XRCC5: variants seen among roughly 807,000 people sequenced by gnomAD.
XRCC5 encodes DNA repair protein Ku80.
A neutral mutation model predicts 95.7 loss-of-function variants in XRCC5; 12 were observed. The ratio of observed to expected loss-of-function variants is 0.13; its 90% CI spans 0.08 to 0.20. The LOEUF (loss-of-function observed/expected upper bound fraction) is 0.20. Among genes scored for constraint, XRCC5 ranks in the 10% least tolerant of loss-of-function variants. The pLI, the probability that XRCC5 is intolerant of heterozygous loss-of-function variation, is 1.00. For synonymous variants in XRCC5, 281 were observed against 290.3 expected (o/e 0.97, Z 0.33); for missense variants, 595 against 873.9 (o/e 0.68, Z 4.02).
In XRCC5 at chr2:216,187,861, T is replaced by TCTC. The variant is rs143232624; in HGVS notation, c.1835-2363_1835-2362insTCC. ...CTCTCTCTCTCTCTCTCTCTCTCTC[T>TCTC]CCCCGTCTCCCTGTCTCTCCCTCTC... On this transcript the variant is annotated intron_variant, in intron 16 of 20. Coordinates refer to ENST00000392132, the MANE Select transcript of XRCC5 (RefSeq NM_021141.4). Among the ~76,000 whole-genome samples, 277 of 116,210 alleles carry TCTC rather than the reference T, an allele frequency of 2.4e-3. 15 individuals carry two copies. Among genetic ancestry groups the TCTC allele is most frequent in the African/African-American group, 0.011 (260 of 23,846 alleles). 76.2% of individuals were successfully genotyped at this position (116,210 alleles called of 152,430 possible).
intron 2 of XRCC5, 142 bp downstream of exon 2, chr2:216,113,271 C>T: frequency 3.2e-6 from 2 of 631,966 alleles, no homozygotes; most frequent in Non-Finnish European, 5.4e-6. Context: ...TACATGTACT[C>T]ACATACAACT....
At chr2:216,127,441 A>G in intron 7 of XRCC5, 95 bp from the exon 8 acceptor site, 1 of 1,387,340 alleles carries the variant, frequency 7.2e-7, no homozygotes, top group South Asian at 1.7e-5. Flanking sequence ...ATTGTTCTGG[A>G]TTTTTGTCTG....
intron 16 of XRCC5, among the ~76,000 whole-genome samples, chr2:216,173,053 A>G (rs1413378052): frequency 1.3e-5 from 2 of 152,156 alleles, no homozygotes; most frequent in African/African-American, 4.8e-5. Context: ...TTGCTGGTAT[A>G]TAGAAATGAA....
At chr2:216,133,688 G>C (rs1697027941) in intron 10 of XRCC5, among the ~76,000 whole-genome samples, 1 of 152,180 alleles carries the variant, frequency 6.6e-6, no homozygotes, top group African/African-American at 2.4e-5. Flanking sequence ...TATATCATAG[G>C]ATCACTTTGA....
intron 16 of XRCC5, among the ~76,000 whole-genome samples, chr2:216,174,401 T>A (rs571950407): frequency 2.0e-5 from 3 of 152,294 alleles, no homozygotes; most frequent in African/African-American, 4.8e-5. Context: ...TTAGCAAAAT[T>A]TATACAAAAT....
intron 16 of XRCC5, among the ~76,000 whole-genome samples, chr2:216,173,497 A>G (rs930326502): frequency 3.9e-5 from 6 of 152,212 alleles, no homozygotes; most frequent in African/African-American, 1.2e-4. Flanking sequence ...TTCTTCTGCT[A>G]ATATATTAAT....
intron 12 of XRCC5, among the ~76,000 whole-genome samples, chr2:216,140,121 ATGGTGT>A (rs1268665826): frequency 1.3e-5 from 2 of 152,216 alleles, no homozygotes; most frequent in Non-Finnish European, 2.9e-5. Flanking sequence ...CAAGTTCAAG[ATGGTGT>A]TGGCTGTGCC....
intron 19 of XRCC5, among the ~76,000 whole-genome samples, chr2:216,199,170 A>G (rs910731999): frequency 5.9e-5 from 9 of 152,258 alleles, no homozygotes; most frequent in African/African-American, 2.2e-4. Flanking sequence ...CTCACAGTCT[A>G]TTTAAATTCT....
intron 16 of XRCC5, chr2:216,175,577 T>C (rs1689256538): frequency 2.5e-6 from 1 of 392,872 alleles, no homozygotes; most frequent in Admixed American, 3.3e-5. Flanking sequence ...ACTTGTATGG[T>C]TTCAGTCTTG....
intron 9 of XRCC5, among the ~76,000 whole-genome samples, chr2:216,131,497 A>G (rs749566856): frequency 5.3e-5 from 8 of 152,140 alleles, no homozygotes; most frequent in East Asian, 1.9e-4. Flanking sequence ...GAACTCTTCA[A>G]TACTCATTTT....
intron 14 of XRCC5, among the ~76,000 whole-genome samples, chr2:216,159,180 C>CT (rs1688902184): frequency 6.6e-6 from 1 of 152,102 alleles, no homozygotes; most frequent in Non-Finnish European, 1.5e-5. Context: ...TACTAATTCT[C>CT]TTATCATTTA....
At chr2:216,119,594 A>G (rs1259880454) in intron 5 of XRCC5, among the ~76,000 whole-genome samples, 1 of 152,204 alleles carries the variant, frequency 6.6e-6, no homozygotes, top group African/African-American at 2.4e-5. Flanking sequence ...TAGGGTAGAC[A>G]GGAATGCCAA....
chr2:216,204,458 G>A (rs1689904271), intron 20 of XRCC5, 62 bp downstream of exon 20: 1 of 1,559,552 alleles, frequency 6.4e-7, no homozygotes, highest in Admixed American at 1.7e-5. Context: ...TGTAAATACA[G>A]CCACAAAGGC....
chr2:216,137,202 C>A lies in XRCC5; in HGVS notation c.1228C>A (p.Pro410Thr). The change falls in exon 11 of 21, where the codon CCT becomes ACT. Residue 410 changes from proline to threonine, a missense_variant. Transcript: ENST00000392132. ...RANPQVGVAF[P>T]HIKHNYECLV... The stretch of plus-strand genomic sequence containing the variant: ...TAATCCTCAAGTCGGCGTGGCTTTT[C>A]CTCATATCAAGCATAACTATGAGGT... The A allele has an allele frequency of 6.2e-7, 1 of 1,613,424 alleles. No homozygotes were observed. Among genetic ancestry groups the A allele is most frequent in the Non-Finnish European group, 8.5e-7 (1 of 1,179,588 alleles).
chr2:216,138,993 C>G (rs1293134286), intron 12 of XRCC5, among the ~76,000 whole-genome samples: 3 of 152,036 alleles, frequency 2.0e-5, no homozygotes, highest in African/African-American at 7.2e-5. Flanking sequence ...AGATGGGTCC[C>G]TAGGGCCTGT....
chr2:216,150,108 A>C (rs1223421363), intron 14 of XRCC5, among the ~76,000 whole-genome samples: 3 of 152,160 alleles, frequency 2.0e-5, no homozygotes. Flanking sequence ...TAGTTTTTCC[A>C]AGGAAAGAAA....
chr2:216,126,155 C>G (rs567677938), intron 7 of XRCC5, 124 bp downstream of exon 7: 1 of 741,998 alleles, frequency 1.3e-6, no homozygotes, highest in Non-Finnish European at 2.2e-6. Flanking sequence ...TAGTTGTTCT[C>G]CCTGCTCATT....
intron 13 of XRCC5, among the ~76,000 whole-genome samples, chr2:216,145,795 A>T (rs76044854): frequency 9.8e-4 from 149 of 152,318 alleles, no homozygotes; most frequent in African/African-American, 3.5e-3. Context: ...TACAGTAGGA[A>T]GGTTGGGTAG....
chr2:216,142,209 A>G lies in XRCC5; in HGVS notation c.1476+890A>G, dbSNP rs186789039. Among the ~76,000 whole-genome samples, 5 of 152,230 alleles carry G rather than the reference A, an allele frequency of 3.3e-5. No homozygotes were observed. In the East Asian group the frequency reaches 9.7e-4, roughly 29 times the overall value. On this transcript the variant is annotated intron_variant, in intron 13 of 20. Transcript: ENST00000392132. ...TTCTCCTGTATTGTATGTAAATAACACTTTTCTTTGTTTTCTATATCAAAA... is the reference window on the plus strand; with the variant it reads ...TTCTCCTGTATTGTATGTAAATAACGCTTTTCTTTGTTTTCTATATCAAAA...
Sources: gnomAD v4.1 joint callset for allele counts (sites outside exome capture counted in the v4.1 genomes callset) on GRCh38, gnomAD v4.1.1 for gene constraint, MANE v1.5 for transcripts, NCBI Gene and HGNC (gene_info 2026-07-23, HGNC 2026-07-21) for gene names.